Variants in FBXL2 observed in about 807,000 individuals in gnomAD.
FBXL2 encodes the protein F-box and leucine rich repeat protein 2.
In FBXL2, 38 loss-of-function variants were observed where a neutral mutation model predicts 69.2. That is an observed-to-expected ratio of 0.55 (90% CI 0.42 to 0.72). FBXL2 has a LOEUF of 0.72. FBXL2 is among the 30% of genes least tolerant of loss of function. The pLI, the probability that FBXL2 is intolerant of heterozygous loss-of-function variation, is 0.00. For missense variants in FBXL2, 354 were observed against 520.3 expected (o/e 0.68, Z 3.11); for synonymous variants, 192 against 201.3 (o/e 0.95, Z 0.39).
chr3:33,358,075 C>T (rs2041341192), intron 2 of FBXL2, among the ~76,000 whole-genome samples: 1 of 152,144 alleles, frequency 6.6e-6, no homozygotes, highest in South Asian at 2.1e-4. Flanking sequence ...TTTTGAGGAA[C>T]ATTATAGGTG....
chr3:33,356,744 T>C (rs1041572779), intron 2 of FBXL2, among the ~76,000 whole-genome samples: 11 of 152,172 alleles, frequency 7.2e-5, no homozygotes, highest in African/African-American at 2.7e-4. Flanking sequence ...GTAGCATTGA[T>C]TAGTGATTGA....
At position 33,364,606 on chromosome 3, in the gene FBXL2, C is replaced by T. The variant is rs759925134; in HGVS notation, c.196-19C>T. The T allele has an allele frequency of 6.2e-6, 10 of 1,607,304 alleles. No individual in the cohort carries two copies. The highest frequency in any genetic ancestry group is 2.2e-5 in the South Asian group (2 of 90,508). On this transcript the variant is annotated intron_variant, in intron 4 of 14. Transcript: ENST00000484457. ...ATGAAAAAACAGTATTTTTTCCTCC[C>T]GAACTTTCTTGATTAAAGGGTCGAG...
In FBXL2 at chr3:33,358,958, T is replaced by C. The variant is rs1279592183; in HGVS notation, c.66-9T>C. ...ATCTCGTTTTTGTGTTTTTTTCCTC[T>C]CTCTGTAGAATATTTTCCTTCTTGG... On this transcript the variant is annotated splice_polypyrimidine_tract_variant and intron_variant, in intron 2 of 14. Transcript: ENST00000484457. 5.3e-6 allele frequency: 8 copies of C among 1,516,400 alleles called. No homozygotes were observed. In the African/African-American group the frequency reaches 5.5e-5, roughly 11 times the overall value. 93.9% of individuals were successfully genotyped at this position (1,516,400 alleles called of 1,614,324 possible). A position where few individuals can be genotyped will look rare whatever the true frequency, so the allele number is the denominator to read the frequency against.
At chr3:33,405,287 A>G (rs1177547956), downstream of FBXL2, among the ~76,000 whole-genome samples, 1 of 152,238 alleles carries the variant, frequency 6.6e-6, no homozygotes, top group Non-Finnish European at 1.5e-5. Flanking sequence ...GGAAGAACAG[A>G]GTAAAATCTT....
At position 33,373,100 on chromosome 3, in the gene FBXL2, C is replaced by G; in HGVS notation, c.299C>G (p.Ala100Gly). 6.2e-7 allele frequency: 1 copy of G among 1,614,164 alleles called. No individual in the cohort carries two copies. Among genetic ancestry groups the G allele is most frequent in the Non-Finnish European group, 8.5e-7 (1 of 1,179,982 alleles). Residue 100 changes from alanine to glycine, a missense_variant, in exon 6 of 15, where the codon GCA becomes GGA. Physicochemically the swap from Ala to Gly is moderately conservative, Grantham distance 60 (BLOSUM62 0). Transcript: ENST00000484457. ...GVGDSSLKTF[A>G]QNCRNIEHLN... Reference sequence around the variant, plus strand: ...ATGTTTTCTCATTTTAGGACCTTTGCACAGAACTGCCGAAACATTGAACAT... The same window carrying G: ...ATGTTTTCTCATTTTAGGACCTTTGGACAGAACTGCCGAAACATTGAACAT...
chr3:33,422,416 G>A, the FBXL2 span, among the ~76,000 whole-genome samples: 1 of 151,840 alleles, frequency 6.6e-6, no homozygotes, highest in Non-Finnish European at 1.5e-5. Context: ...AAGGGAGGAG[G>A]GAGGAAAGAA....
At chr3:33,342,942 G>A (rs2040174426) in intron 2 of FBXL2, among the ~76,000 whole-genome samples, 1 of 133,262 alleles carries the variant, frequency 7.5e-6, no homozygotes, top group African/African-American at 2.8e-5. Flanking sequence ...GGGTTTCACC[G>A]TTTTAGCCAG....
At chr3:33,384,284 C>T in intron 14 of FBXL2, 83 bp downstream of exon 14, 1 of 1,359,998 alleles carries the variant, frequency 7.4e-7, no homozygotes, top group Non-Finnish European at 1.0e-6. Flanking sequence ...CGGGGCTAGG[C>T]ACGCGGTGGC....
At chr3:33,396,798 C>G (rs1490201292) in intron 12 of FBXL2, 2 of 651,394 alleles carry the variant, frequency 3.1e-6, no homozygotes, top group Non-Finnish European at 5.7e-6. Context: ...TTCAAGAAAT[C>G]AGTACTGCCC....
At chr3:33,395,227 C>A (rs2043927808) in intron 12 of FBXL2, among the ~76,000 whole-genome samples, 1 of 152,032 alleles carries the variant, frequency 6.6e-6, no homozygotes, top group Non-Finnish European at 1.5e-5. Flanking sequence ...AGTAGTGATG[C>A]TATCCTTCCA....
chr3:33,366,750 G>A (rs1394889408), intron 5 of FBXL2, among the ~76,000 whole-genome samples: 1 of 152,034 alleles, frequency 6.6e-6, no homozygotes, highest in Non-Finnish European at 1.5e-5. Flanking sequence ...GGATCACTAG[G>A]TCAGGAGATT....
the FBXL2 span, chr3:33,409,184 C>CTA: frequency 6.5e-7 from 1 of 1,549,894 alleles, no homozygotes; most frequent in Non-Finnish European, 8.9e-7. Context: ...TAGAAATAGA[C>CTA]TAATATGCAA....
At chr3:33,292,572 T>C (rs1238609568) in intron 1 of FBXL2, among the ~76,000 whole-genome samples, 1 of 152,186 alleles carries the variant, frequency 6.6e-6, no homozygotes, top group Non-Finnish European at 1.5e-5. Context: ...TGAACACCAC[T>C]ATCAACCAAC....
intron 12 of FBXL2, among the ~76,000 whole-genome samples, chr3:33,400,497 C>T (rs978759648): frequency 2.0e-5 from 3 of 152,110 alleles, no homozygotes; most frequent in African/African-American, 4.8e-5. Flanking sequence ...AAAATCATGC[C>T]GCTGCTAATG....
intron 1 of FBXL2, among the ~76,000 whole-genome samples, chr3:33,280,097 A>G (rs2033807111): frequency 6.6e-6 from 1 of 152,216 alleles, no homozygotes; most frequent in Non-Finnish European, 1.5e-5. Context: ...TGGGTTAGAT[A>G]CTACGGAACA....
intron 4 of FBXL2, among the ~76,000 whole-genome samples, chr3:33,359,911 A>G (rs900643065): frequency 1.3e-5 from 2 of 152,186 alleles, no homozygotes; most frequent in Non-Finnish European, 2.9e-5. Flanking sequence ...AAATATGTAA[A>G]TATCTCCATT....
the FBXL2 span, chr3:33,409,164 G>C: frequency 7.0e-7 from 1 of 1,422,614 alleles, no homozygotes; most frequent in Non-Finnish European, 9.8e-7. Flanking sequence ...TTTTGTAGCA[G>C]AACTCATCTT....
the FBXL2 span, among the ~76,000 whole-genome samples, chr3:33,418,903 T>C: frequency 3.4e-5 from 5 of 145,306 alleles, no homozygotes; most frequent in Non-Finnish European, 7.6e-5. Flanking sequence ...AAATGTCCAG[T>C]ATCCCTAGAA....
At chr3:33,377,711 C>G (rs942604509) in intron 11 of FBXL2, among the ~76,000 whole-genome samples, 1 of 152,184 alleles carries the variant, frequency 6.6e-6, no homozygotes, top group Admixed American at 6.5e-5. Context: ...GAACCCATGT[C>G]CTCCTGGGGC....
Sources: allele counts gnomAD v4.1 joint callset (sites outside exome capture counted in the v4.1 genomes callset), GRCh38; gene constraint gnomAD v4.1.1; transcripts MANE v1.5; gene names NCBI Gene and HGNC (gene_info 2026-07-23, HGNC 2026-07-21).